The following STOX1 variants were observed in gnomAD, a reference collection of about 807,000 sequenced individuals.
STOX1 encodes storkhead-box protein 1.
STOX1 carries 57 observed loss-of-function variants against 74.8 expected under a neutral mutation model. The observed-to-expected ratio is 0.76, with a 90% CI of 0.62 to 0.95. The LOEUF is 0.95. STOX1 is among the 40% of genes least tolerant of loss of function. The pLI, the probability that STOX1 is intolerant of heterozygous loss-of-function variation, is 0.00. For synonymous variants in STOX1, 375 were observed against 401.3 expected, an observed-to-expected ratio of 0.93 and a Z score of 0.78; for missense variants, 1,010 against 1,117.0, an observed-to-expected ratio of 0.90 and a Z score of 1.37.
rs1840922948 is a variant in STOX1 at position 68,885,486 on chromosome 10, A to G, written c.1690A>G (p.Ile564Val). 1 of 1,614,236 alleles carries G rather than the reference A, an allele frequency of 6.2e-7. No individual in the cohort carries two copies. Among genetic ancestry groups the G allele is most frequent in the African/African-American group, 1.3e-5 (1 of 75,060 alleles). ...QPNDKMEAES[I>V]YINDPTVKPI... ...TAATGATAAAATGGAAGCAGAATCC[A>G]TTTACATAAATGACCCTACTGTCAA... The change falls in exon 3 of 4, where the codon ATT becomes GTT. Residue 564 changes from isoleucine to valine, a missense_variant. Coordinates refer to ENST00000298596, the MANE Select transcript of STOX1 (RefSeq NM_152709.5).
downstream of STOX1, chr10:68,895,162 A>T (rs1841169441): frequency 6.6e-6 from 1 of 152,248 alleles, no homozygotes; most frequent in Admixed American, 6.5e-5. Context: ...TCCAGAATTT[A>T]GTTTAACTGG....
At chr10:68,843,430 G>C (rs1383411823) in intron 1 of STOX1, among the ~76,000 whole-genome samples, 1 of 152,182 alleles carries the variant, frequency 6.6e-6, no homozygotes, top group Non-Finnish European at 1.5e-5. Flanking sequence ...GTGTGAATTG[G>C]AGGGCTGCTT....
At chr10:68,864,195 A>G (rs948958709) in intron 1 of STOX1, among the ~76,000 whole-genome samples, 8 of 152,108 alleles carry the variant, frequency 5.3e-5, no homozygotes, top group Non-Finnish European at 1.0e-4. Context: ...AAGTGTTGGG[A>G]TTACAGGCGT....
In STOX1 at chr10:68,886,283, G is replaced by C. The variant is rs767425390; in HGVS notation, c.2487G>C (p.Gln829His). 36 of 1,614,068 alleles carry C rather than the reference G, an allele frequency of 2.2e-5. No individual in the cohort carries two copies. In the South Asian group the frequency reaches 3.8e-4, roughly 17 times the overall value. Residue 829 changes from glutamine (Q) to histidine (H), a missense_variant, in exon 3 of 4, where the codon CAG becomes CAC. Transcript: ENST00000298596. ...AESCGLNSGA[Q>H]FGFNYEEEPS... ...GTTGTGGCCTAAATTCAGGGGCCCA[G>C]TTTGGTTTTAACTACGAAGAAGAAC...
intron 1 of STOX1, among the ~76,000 whole-genome samples, chr10:68,835,160 G>A (rs1478102168): frequency 6.6e-6 from 1 of 151,958 alleles, no homozygotes; most frequent in Non-Finnish European, 1.5e-5. Context: ...TCCTGCCTCA[G>A]CCTCCTGAGT....
At chr10:68,838,132 T>C (rs1000809474) in intron 1 of STOX1, among the ~76,000 whole-genome samples, 33 of 151,802 alleles carry the variant, frequency 2.2e-4, no homozygotes, top group Non-Finnish European at 1.3e-4. Flanking sequence ...CGTGGTGTGA[T>C]CATGGCTCCC....
chr10:68,882,111 G>A lies in STOX1; in HGVS notation c.463+1G>A. On this transcript the variant is annotated splice_donor_variant, in intron 2 of 3. Coordinates refer to ENST00000298596, the MANE Select transcript of STOX1 (RefSeq NM_152709.5). LOFTEE classifies it high-confidence loss of function. ...GAGCGTTTGATGAAACATTACCCAG[G>A]TAGAGTAATAAATTTTTGTCTATTT... 1 of 1,613,486 alleles carries A rather than the reference G, an allele frequency of 6.2e-7. No individual in the cohort carries two copies. Among genetic ancestry groups the A allele is most frequent in the Non-Finnish European group, 8.5e-7 (1 of 1,179,574 alleles).
intron 1 of STOX1, among the ~76,000 whole-genome samples, chr10:68,845,918 T>A (rs1205546976): frequency 6.6e-6 from 1 of 151,882 alleles, no homozygotes; most frequent in Non-Finnish European, 1.5e-5. Context: ...TTTGTATTTT[T>A]AGTAGAGATG....
At chr10:68,833,849 T>C (rs1484192395) in intron 1 of STOX1, among the ~76,000 whole-genome samples, 1 of 152,214 alleles carries the variant, frequency 6.6e-6, no homozygotes, top group African/African-American at 2.4e-5. Context: ...CGTGAGCCAT[T>C]GCACCCGGCC....
chr10:68,893,074 AT>A (rs925598249), downstream of STOX1: 283 of 240,466 alleles, frequency 1.2e-3, no homozygotes, highest in South Asian at 2.0e-3. Flanking sequence ...CCTGTAGTGA[AT>A]TTTTTTTTAA....
intron 1 of STOX1, among the ~76,000 whole-genome samples, chr10:68,837,547 G>A (rs1839585855): frequency 6.6e-6 from 1 of 152,208 alleles, no homozygotes; most frequent in African/African-American, 2.4e-5. Context: ...GATATACATG[G>A]CAGATACTTC....
chr10:68,845,727 G>A (rs562209691), intron 1 of STOX1, among the ~76,000 whole-genome samples: 22 of 151,248 alleles, frequency 1.5e-4, no homozygotes, highest in African/African-American at 3.6e-4. Flanking sequence ...TCAGCCTCCC[G>A]AGTATCTGGG....
intron 1 of STOX1, among the ~76,000 whole-genome samples, chr10:68,839,196 G>T (rs1437250271): frequency 6.6e-6 from 1 of 152,040 alleles, no homozygotes; most frequent in Non-Finnish European, 1.5e-5. Flanking sequence ...AATTCGTATG[G>T]ACTCACACAG....
chr10:68,848,611 C>A (rs1243834865), intron 1 of STOX1, among the ~76,000 whole-genome samples: 2 of 152,132 alleles, frequency 1.3e-5, no homozygotes, highest in Non-Finnish European at 2.9e-5. Context: ...ACATATAAAG[C>A]ACTTAGGAGA....
chr10:68,882,654 A>G (rs1840837599), intron 2 of STOX1, among the ~76,000 whole-genome samples: 1 of 151,936 alleles, frequency 6.6e-6, no homozygotes, highest in African/African-American at 2.4e-5. Flanking sequence ...GCCTGCCAGC[A>G]TGCCCAGATA....
At chr10:68,846,503 T>A (rs1253783934) in intron 1 of STOX1, among the ~76,000 whole-genome samples, 1 of 152,214 alleles carries the variant, frequency 6.6e-6, no homozygotes, top group Non-Finnish European at 1.5e-5. Context: ...AGGAACTCCC[T>A]TGTTGAAAAG....
chr10:68,854,285 G>C (rs569739365), intron 1 of STOX1, among the ~76,000 whole-genome samples: 10 of 149,606 alleles, frequency 6.7e-5, no homozygotes, highest in African/African-American at 2.2e-4. Flanking sequence ...GTGAGCCACT[G>C]TGCCCAGCCC....
intron 1 of STOX1, among the ~76,000 whole-genome samples, chr10:68,834,255 T>TA (rs1238372574): frequency 6.6e-6 from 1 of 152,210 alleles, no homozygotes; most frequent in Non-Finnish European, 1.5e-5. Context: ...GTATCTGCAC[T>TA]AACGCTAGAT....
chr10:68,873,300 A>G (rs2394492), intron 1 of STOX1, among the ~76,000 whole-genome samples: 135,838 of 144,976 alleles, frequency 0.94, 63,686 homozygotes, highest in East Asian at 0.99. Flanking sequence ...TCGCTCTGTC[A>G]CCCAGGCTGG....
Sources: allele counts gnomAD v4.1 joint callset (sites outside exome capture counted in the v4.1 genomes callset), GRCh38; gene constraint gnomAD v4.1.1; transcripts MANE v1.5; gene names NCBI Gene and HGNC (gene_info 2026-07-23, HGNC 2026-07-21).